The following ANKRD46 variants were observed in gnomAD, a reference collection of about 807,000 sequenced individuals.
ANKRD46 encodes ankyrin repeat domain-containing protein 46.
Under a neutral mutation model 19.8 loss-of-function variants are expected in ANKRD46, and 13 were observed. That is an observed-to-expected ratio of 0.66 (90% CI 0.43 to 1.04). ANKRD46 has a LOEUF of 1.04. Ranked by LOEUF, ANKRD46 falls within the 50% of genes least tolerant of loss-of-function variation. The pLI is 0.00. For missense variants in ANKRD46, 185 were observed against 274.8 expected (o/e 0.67, Z 2.31); for synonymous variants, 91 against 106.9 (o/e 0.85, Z 0.92).
chr8:100,522,904 CAT>C (rs59062296), intron 4 of ANKRD46, 133 bp from the exon 5 acceptor site: 100,909 of 294,634 alleles, frequency 0.34, 3,406 homozygotes, highest in Middle Eastern at 0.37. Flanking sequence ...CACACACACA[CAT>C]ATATATATAT....
chr8:100,540,913 T>C (rs1408066685), intron 1 of ANKRD46, among the ~76,000 whole-genome samples: 1 of 151,846 alleles, frequency 6.6e-6, no homozygotes, highest in Non-Finnish European at 1.5e-5. Flanking sequence ...ATAAAGTTAC[T>C]TGATTCTTTA....
Position 100,522,133 on chromosome 8 carries a change from C to A in ANKRD46, c.*422G>T. ...GAAAGTAAATAAAAAGTGGCTCTTGCAAAAATAAATGAAAACAAAACCACC... is the reference window on the plus strand; with the variant it reads ...GAAAGTAAATAAAAAGTGGCTCTTGAAAAAATAAATGAAAACAAAACCACC... On this transcript the variant is annotated 3_prime_UTR_variant, in exon 5 of 5. Transcript: ENST00000335659. 1 of 989,976 alleles carries A rather than the reference C, an allele frequency of 1.0e-6. No homozygotes were observed. The highest frequency in any genetic ancestry group is 4.6e-5 in the South Asian group (1 of 21,728). The allele number at this position is 989,976 out of a possible 1,614,324, so 61.3% of individuals were successfully genotyped here. A position where few individuals can be genotyped will look rare whatever the true frequency, so the allele number is the denominator to read the frequency against.
At chr8:100,531,513 T>C (rs1383064275) in intron 2 of ANKRD46, among the ~76,000 whole-genome samples, 1 of 152,150 alleles carries the variant, frequency 6.6e-6, no homozygotes, top group Non-Finnish European at 1.5e-5. Context: ...AGAGTGGGCA[T>C]TAACATACAC....
chr8:100,551,055 G>T, intron 1 of ANKRD46: 2 of 511,216 alleles, frequency 3.9e-6, no homozygotes, highest in Admixed American at 2.2e-5. Flanking sequence ...TGTTCAGCTC[G>T]GGGATGGCCT....
chr8:100,524,699 G>C lies in ANKRD46; in HGVS notation c.471-1928C>G, dbSNP rs1811804630. On this transcript the variant is annotated intron_variant, in intron 4 of 4. Coordinates refer to ENST00000335659, the MANE Select transcript of ANKRD46 (RefSeq NM_001270377.2). The surrounding 1 kb of genome is among the most constrained non-coding windows in gnomAD (Gnocchi z 4.3). ...TCTGCAGAGGCTTAGTTTGACCTAT[G>C]TAAAATTTATTGATTACGAGTTGAC... Among the ~76,000 whole-genome samples the C allele has an allele frequency of 6.6e-6, 1 of 152,038 alleles. No homozygotes were observed. The highest frequency in any genetic ancestry group is 2.4e-5 in the African/African-American group (1 of 41,382).
At chr8:100,520,447 T>C (rs1038932718), downstream of ANKRD46, among the ~76,000 whole-genome samples, 1 of 152,132 alleles carries the variant, frequency 6.6e-6, no homozygotes, top group African/African-American at 2.4e-5. Context: ...TACTTAGCCA[T>C]CCCTGTGTCC....
chr8:100,529,561 G>T lies in ANKRD46; in HGVS notation c.273C>A (p.Ile91=). 1 of 1,613,628 alleles carries T rather than the reference G, an allele frequency of 6.2e-7. No individual in the cohort carries two copies. The highest frequency in any genetic ancestry group is 8.5e-7 in the Non-Finnish European group (1 of 1,179,544). ...TGAGTCCATTGGAAACCAAAAATTG[G>T]ATAGTATCCACATGGCCACAGAGGT... ...ALHLCGHVDT[I]QFLVSNGLKI... is the part of the protein sequence containing the mutation. The change falls in exon 3 of 5, where the codon ATC becomes ATA. Residue 91 remains isoleucine (I), a synonymous_variant. Coordinates refer to ENST00000335659, the MANE Select transcript of ANKRD46 (RefSeq NM_001270377.2). This position sits in a 1 kb window ranked among gnomAD's most constrained non-coding sequence, Gnocchi z 5.8.
intron 1 of ANKRD46, chr8:100,556,608 T>G (rs1812506116): frequency 6.6e-6 from 1 of 152,216 alleles, no homozygotes; most frequent in Admixed American, 6.5e-5. Flanking sequence ...TCTCCAATGC[T>G]CTTCCTCCTG....
rs1811748625 is a variant in ANKRD46 at position 100,522,608 on chromosome 8, A to G, written c.634T>C (p.Tyr212His). The change falls in exon 5 of 5, where the codon TAT becomes CAT. Residue 212 changes from tyrosine to histidine, a missense_variant. Coordinates refer to ENST00000335659, the MANE Select transcript of ANKRD46 (RefSeq NM_001270377.2). ...ACGAAGGGTAGCACCCCACTCACATAATAAGCAATGCCAAGAGACAGCAAA... is the reference window on the plus strand; with the variant it reads ...ACGAAGGGTAGCACCCCACTCACATGATAAGCAATGCCAAGAGACAGCAAA... The part of the protein sequence containing the change: ...IALLSLGIAY[Y>H]VSGVLPFVEN... The G allele has an allele frequency of 6.2e-7, 1 of 1,613,946 alleles. No homozygotes were observed. The highest frequency in any genetic ancestry group is 1.1e-5 in the South Asian group (1 of 91,082).
intron 1 of ANKRD46, among the ~76,000 whole-genome samples, chr8:100,553,657 G>A (rs1264170987): frequency 6.6e-6 from 1 of 152,156 alleles, no homozygotes; most frequent in Non-Finnish European, 1.5e-5. Context: ...GCTGAGACAG[G>A]AGAATCGCTT....
At chr8:100,526,996 G>T (rs993277408) in intron 4 of ANKRD46, among the ~76,000 whole-genome samples, 2 of 151,988 alleles carry the variant, frequency 1.3e-5, no homozygotes, top group African/African-American at 4.8e-5. Flanking sequence ...CGTATAATGT[G>T]GAAGGCTGAA....
downstream of ANKRD46, among the ~76,000 whole-genome samples, chr8:100,519,611 A>G (rs970111426): frequency 3.9e-5 from 6 of 152,260 alleles, no homozygotes; most frequent in African/African-American, 1.4e-4. Context: ...CACAAGTCAA[A>G]GACTGAGGCC....
At chr8:100,514,371 T>A (rs973144703) in intron 5 of ANKRD46, among the ~76,000 whole-genome samples, 9 of 151,960 alleles carry the variant, frequency 5.9e-5, no homozygotes, top group Admixed American at 3.3e-4. Flanking sequence ...TATCTATTTT[T>A]AAAAAAAAAA....
rs770648031 is a variant in ANKRD46, at chr8:100,546,313, C to T, written c.-130-13002G>A. Among the ~76,000 whole-genome samples, 1 of 152,242 alleles carries T rather than the reference C, an allele frequency of 6.6e-6. No homozygotes were observed. The highest frequency in any genetic ancestry group is 1.5e-5 in the Non-Finnish European group (1 of 68,044). ...TTTGTGGGCTGGGATCAGGCCCCTG[C>T]TGCTCTCTGCAGCCTCAGGATATGG... On this transcript the variant is annotated intron_variant, in intron 1 of 4. Coordinates refer to ENST00000335659, the MANE Select transcript of ANKRD46 (RefSeq NM_001270377.2). This position sits in a 1 kb window ranked among gnomAD's most constrained non-coding sequence, Gnocchi z 4.0.
At chr8:100,552,137 G>A (rs1304647145) in intron 1 of ANKRD46, among the ~76,000 whole-genome samples, 2 of 141,750 alleles carry the variant, frequency 1.4e-5, no homozygotes. Context: ...GTGACAGAGT[G>A]AGACTCTGTC....
intron 1 of ANKRD46, among the ~76,000 whole-genome samples, chr8:100,538,728 C>T (rs1812115542): frequency 6.6e-6 from 1 of 152,024 alleles, no homozygotes; most frequent in Non-Finnish European, 1.5e-5. Context: ...GATGTGAAAC[C>T]TAGGTAAACA....
In ANKRD46 at chr8:100,510,612, C is replaced by G. The variant is rs995491452; in HGVS notation, c.664G>C (p.Ala222Pro). 6.5e-7 allele frequency: 1 copy of G among 1,534,950 alleles called. No homozygotes were observed. The highest frequency in any genetic ancestry group is 1.4e-5 in the African/African-American group (1 of 72,860). The change falls in exon 6 of 6, where the codon GCA becomes CCA. Residue 222 changes from alanine (A) to proline (P), a missense_variant. By Grantham distance (27) the Ala-to-Pro change is conservative. Transcript: ENST00000520552. The surrounding 1 kb of genome is among the most constrained non-coding windows in gnomAD (Gnocchi z 4.9). ...TGGATTCGGCTTCTGTCTTGCCTTG[C>G]AAAGCTTCCAAGCCTCAGTGTCCTT...
Position 100,557,751 on chromosome 8 carries a change from G to T in ANKRD46, c.-131+1960C>A, listed in dbSNP as rs549799315. On this transcript the variant is annotated intron_variant, in intron 1 of 4. Transcript: ENST00000335659. This position sits in a 1 kb window ranked among gnomAD's most constrained non-coding sequence, Gnocchi z 5.9. Reference sequence around the variant, plus strand: ...TGAAGGGTTCTGGGCTTTTGCCCTTGCTTGGTATGCTCTTTCCCTAGACAG... The same window carrying T: ...TGAAGGGTTCTGGGCTTTTGCCCTTTCTTGGTATGCTCTTTCCCTAGACAG... 6.6e-6 allele frequency among the ~76,000 whole-genome samples: 1 copy of T among 152,234 alleles called. No homozygotes were observed. Among genetic ancestry groups the T allele is most frequent in the Admixed American group, 6.5e-5 (1 of 15,296 alleles).
rs1811906288 is a variant in ANKRD46, at chr8:100,529,173, G to A, written c.311+350C>T. 1.3e-5 allele frequency among the ~76,000 whole-genome samples: 2 copies of A among 152,172 alleles called. No individual in the cohort carries two copies. Among genetic ancestry groups the A allele is most frequent in the Admixed American group, 1.3e-4 (2 of 15,286 alleles). ...AATCTGTAAAATGAAAACACCTATTGTGAGAGCTCTTCATTCTGAGGACTA... is the reference window on the plus strand; with the variant it reads ...AATCTGTAAAATGAAAACACCTATTATGAGAGCTCTTCATTCTGAGGACTA... On this transcript the variant is annotated intron_variant, in intron 3 of 4. Coordinates refer to ENST00000335659, the MANE Select transcript of ANKRD46 (RefSeq NM_001270377.2). This position sits in a 1 kb window ranked among gnomAD's most constrained non-coding sequence, Gnocchi z 5.8.
Sources: gnomAD v4.1 joint callset for allele counts (sites outside exome capture counted in the v4.1 genomes callset) on GRCh38, gnomAD v4.1.1 for gene constraint, Gnocchi (gnomAD v3.1) non-coding constraint, MANE v1.5 for transcripts, NCBI Gene and HGNC (gene_info 2026-07-23, HGNC 2026-07-21) for gene names.